The following OTOF variants were observed in gnomAD, a reference collection of about 807,000 sequenced individuals.
OTOF encodes fer-1-like family member 2.
Under a neutral mutation model 236.8 loss-of-function variants are expected in OTOF, and 218 were observed. That is an observed-to-expected ratio of 0.92 (90% CI 0.82 to 1.03). OTOF has a LOEUF of 1.03. Ranked by LOEUF, OTOF falls within the 50% of genes least tolerant of loss-of-function variation. The probability of loss-of-function intolerance (pLI) is 0.00; values close to 1 mark genes in which losing one functional copy is unlikely to be tolerated. For synonymous variants in OTOF, 1,041 were observed against 1,072.5 expected, an observed-to-expected ratio of 0.97 and a Z score of 0.57; for missense variants, 2,590 against 2,694.4, an observed-to-expected ratio of 0.96 and a Z score of 0.86.
In OTOF at chr2:26,503,836, C is replaced by T. The variant is rs751144866; in HGVS notation, c.519G>A (p.Arg173=). ...CGAGCTTCATGGCGGAGAACACGCTCCTCCCGGCTCTGTGAGGGGGGCCAC... is the reference window on the plus strand; with the variant it reads ...CGAGCTTCATGGCGGAGAACACGCTTCTCCCGGCTCTGTGAGGGGGGCCAC... ...PGEKSFRRAG[R]SVFSAMKLGK... Residue 173 remains arginine (R), a synonymous_variant, in exon 6 of 47, where the codon AGG becomes AGA. Transcript: ENST00000272371. The T allele has an allele frequency of 9.9e-6, 16 of 1,614,148 alleles. No individual in the cohort carries two copies. The East Asian group carries it at 3.3e-4, about 34-fold the overall frequency.
rs111033424 is a variant in OTOF at position 26,476,028 on chromosome 2, C to T, written c.2877G>A (p.Ala959=). 58 of 1,612,610 alleles carry T rather than the reference C, an allele frequency of 3.6e-5. No homozygotes were observed. Among genetic ancestry groups the T allele is most frequent in the African/African-American group, 1.2e-4 (9 of 74,938 alleles). The change falls in exon 24 of 47, where the codon GCG becomes GCA. Residue 959 remains alanine (A), a synonymous_variant. Transcript: ENST00000272371. ...PVSLVYTKKQ[A]FQLRAHMYQA... is the part of the protein sequence containing the mutation. Reference sequence around the variant, plus strand: ...GGTACATGTGCGCTCGGAGCTGGAACGCCTGCTTCTCTGTGGGGAAGGGCA... The same window carrying T: ...GGTACATGTGCGCTCGGAGCTGGAATGCCTGCTTCTCTGTGGGGAAGGGCA...
At position 26,519,059 on chromosome 2, in the gene OTOF, T is replaced by A. The variant is rs1458638479; in HGVS notation, c.278A>T (p.His93Leu). ...AATCAGCGTGTCAGTCACCTCCACA[T>A]GGCTCTCCTCTACCACCTTCTGCAG... Reference protein sequence around the residue: ...MVLQKVVEESHVEVTDTLIDD... With the variant: ...MVLQKVVEESLVEVTDTLIDD... Residue 93 changes from histidine to leucine, a missense_variant, in exon 4 of 47, where the codon CAT becomes CTT. By Grantham distance (99) the His-to-Leu change is moderately conservative (BLOSUM62 -3). Around this residue, in one of 2 missense-constraint regions of OTOF, gnomAD observed 1,379 missense variants for 1,341.6 expected, o/e 1.03. Coordinates refer to ENST00000272371, the MANE Select transcript of OTOF (RefSeq NM_194248.3). 2 of 1,610,220 alleles carry A rather than the reference T, an allele frequency of 1.2e-6. No homozygotes were observed. The highest frequency in any genetic ancestry group is 1.7e-6 in the Non-Finnish European group (2 of 1,177,870).
intron 41 of OTOF, 78 bp downstream of exon 41, chr2:26,463,405 C>G (rs867197841): frequency 1.4e-5 from 17 of 1,244,628 alleles, no homozygotes; most frequent in Non-Finnish European, 1.4e-5. Flanking sequence ...CTGAGCCCCC[C>G]GCAGGAAGGG....
chr2:26,469,269 A>C (rs558300034), intron 32 of OTOF, among the ~76,000 whole-genome samples: 19 of 152,336 alleles, frequency 1.2e-4, no homozygotes, highest in Middle Eastern at 3.4e-3. Flanking sequence ...CCAGGTTTCA[A>C]CTAAGTCGCC....
chr2:26,494,688 G>T (rs1028221656), intron 9 of OTOF, among the ~76,000 whole-genome samples: 2 of 152,050 alleles, frequency 1.3e-5, no homozygotes, highest in African/African-American at 4.8e-5. Context: ...CACTGCTGGG[G>T]TCTGCCCAGG....
At chr2:26,553,072 G>A (rs538581520) in intron 1 of OTOF, among the ~76,000 whole-genome samples, 1 of 152,268 alleles carries the variant, frequency 6.6e-6, no homozygotes, top group South Asian at 2.1e-4. Flanking sequence ...CATTTTACTG[G>A]GGAAAATAAA....
chr2:26,558,464 G>A (rs1266481311), intron 1 of OTOF, 29 bp downstream of exon 1: 1 of 1,592,586 alleles, frequency 6.3e-7, no homozygotes, highest in Non-Finnish European at 8.6e-7. Flanking sequence ...CTCAGAGCTG[G>A]CGTCCCTCTG....
At chr2:26,527,022 G>C (rs1027083562) in intron 3 of OTOF, among the ~76,000 whole-genome samples, 2 of 152,202 alleles carry the variant, frequency 1.3e-5, no homozygotes, top group African/African-American at 4.8e-5. Flanking sequence ...CTTAGCCACT[G>C]TTCCAGCGTG....
Position 26,480,319 on chromosome 2 carries a change from G to T in OTOF, c.1804-8C>A. The stretch of plus-strand genomic sequence containing the variant: ...CATTTTACCTGCACAGCTCTGTGGG[G>T]AGGCAGTTCAAAGCGTTCCTGAGCT... On this transcript the variant is annotated splice_region_variant and splice_polypyrimidine_tract_variant and intron_variant, in intron 15 of 46. Coordinates refer to ENST00000272371, the MANE Select transcript of OTOF (RefSeq NM_194248.3). The T allele has an allele frequency of 5.1e-6, 8 of 1,558,726 alleles. No homozygotes were observed. Among genetic ancestry groups the T allele is most frequent in the South Asian group, 2.2e-5 (2 of 90,026 alleles).
chr2:26,522,325 C>A (rs1666696972), intron 3 of OTOF, among the ~76,000 whole-genome samples: 1 of 146,442 alleles, frequency 6.8e-6, no homozygotes, highest in Non-Finnish European at 1.5e-5. Flanking sequence ...TGTAACATAC[C>A]ATTTAAGCAA....
chr2:26,460,176 A>G lies in OTOF; in HGVS notation c.5843T>C (p.Leu1948Pro), dbSNP rs772278204. The G allele has an allele frequency of 1.2e-6, 2 of 1,605,268 alleles. No homozygotes were observed. The highest frequency in any genetic ancestry group is 2.2e-5 in the East Asian group (1 of 44,694). Residue 1948 changes from leucine to proline, a missense_variant, in exon 46 of 47, where the codon CTG (leucine) becomes CCG (proline). Leu to Pro is a moderately conservative substitution (Grantham distance 98). Coordinates refer to ENST00000272371, the MANE Select transcript of OTOF (RefSeq NM_194248.3). The surrounding 1 kb of genome is among the most constrained non-coding windows in gnomAD (Gnocchi z 5.3). ...NRPDTSFIWFLNPLKSARYFL... is the reference protein window; with the variant it reads ...NRPDTSFIWFPNPLKSARYFL... ...GTAGCGAGCCGACTTGAGAGGGTTCAGGAACCAGATGAAGCTCGTGTCGGG... is the reference window on the plus strand; with the variant it reads ...GTAGCGAGCCGACTTGAGAGGGTTCGGGAACCAGATGAAGCTCGTGTCGGG...
intron 1 of OTOF, among the ~76,000 whole-genome samples, chr2:26,543,367 C>T (rs1186540894): frequency 2.0e-5 from 3 of 152,158 alleles, no homozygotes; most frequent in Non-Finnish European, 4.4e-5. Context: ...CATCTGTTAG[C>T]CGGGGGTCAT....
At chr2:26,500,508 C>T (rs759021809) in intron 8 of OTOF, among the ~76,000 whole-genome samples, 53 of 152,144 alleles carry the variant, frequency 3.5e-4, no homozygotes, top group Non-Finnish European at 6.8e-4. Flanking sequence ...GAAAAGCCCT[C>T]GGAAGTCTCA....
Position 26,503,825 on chromosome 2 carries a change from G to C in OTOF, c.530C>G (p.Ser177Cys). ...CCGGTTTTTGCCGAGCTTCATGGCG[G>C]AGAACACGCTCCTCCCGGCTCTGTG... Reference protein sequence around the residue: ...SFRRAGRSVFSAMKLGKNRSH... With the variant: ...SFRRAGRSVFCAMKLGKNRSH... Residue 177 changes from serine to cysteine, a missense_variant, in exon 6 of 47, where the codon TCC becomes TGC. This residue lies in a region of OTOF where 1,379 missense variants were observed against 1,341.6 expected (regional missense o/e 1.03). Coordinates refer to ENST00000272371, the MANE Select transcript of OTOF (RefSeq NM_194248.3). 4 of 1,614,188 alleles carry C rather than the reference G, an allele frequency of 2.5e-6. No individual in the cohort carries two copies. The highest frequency in any genetic ancestry group is 2.5e-6 in the Non-Finnish European group (3 of 1,180,002).
In OTOF at chr2:26,461,898, G is replaced by A. The variant is rs141082575; in HGVS notation, c.5331C>T (p.Asp1777=). Residue 1777 remains aspartate (D), a synonymous_variant, in exon 43 of 47, where the codon GAC becomes GAT. Transcript: ENST00000272371. The surrounding 1 kb of genome is among the most constrained non-coding windows in gnomAD (Gnocchi z 6.2). ...KGQQEDKQDT[D]VHYHSLTGEG... ...CGCCAGTGAGGGAGTGGTAGTGGACGTCTGTGTCCTGCTTGTCCTCCTGCT... is the reference window on the plus strand; with the variant it reads ...CGCCAGTGAGGGAGTGGTAGTGGACATCTGTGTCCTGCTTGTCCTCCTGCT... The A allele has an allele frequency of 1.3e-4, 207 of 1,614,014 alleles. No homozygotes were observed. Among genetic ancestry groups the A allele is most frequent in the Admixed American group, 9.5e-4 (57 of 60,010 alleles).
chr2:26,473,196 G>A lies in OTOF; in HGVS notation c.3669C>T (p.Val1223=). The change falls in exon 29 of 47, where the codon GTC becomes GTT. Residue 1223 remains valine (V), a synonymous_variant. Transcript: ENST00000272371. The surrounding 1 kb of genome is among the most constrained non-coding windows in gnomAD (Gnocchi z 7.2). ...GGTAGATGAAGCGTCGCAGGGAGCT[G>A]ACGGCATGGGAGCCCACCAGTGTGT... The part of the protein sequence containing the change: ...GRYTLVGSHA[V]SSLRRFIYRP... 1 of 1,613,188 alleles carries A rather than the reference G, an allele frequency of 6.2e-7. No individual in the cohort carries two copies. Among genetic ancestry groups the A allele is most frequent in the South Asian group, 1.1e-5 (1 of 91,090 alleles).
At chr2:26,525,040 G>A (rs1455309388) in intron 3 of OTOF, among the ~76,000 whole-genome samples, 1 of 152,112 alleles carries the variant, frequency 6.6e-6, no homozygotes, top group Non-Finnish European at 1.5e-5. Flanking sequence ...GTCCTCATAG[G>A]TCACACCCTC....
intron 8 of OTOF, among the ~76,000 whole-genome samples, chr2:26,496,708 C>A (rs1460297836): frequency 6.6e-6 from 1 of 151,998 alleles, no homozygotes; most frequent in Non-Finnish European, 1.5e-5. Flanking sequence ...TCAGGGTGGC[C>A]ATGTTAAGAT....
At chr2:26,496,457 C>G (rs1425315435) in intron 8 of OTOF, among the ~76,000 whole-genome samples, 3 of 151,888 alleles carry the variant, frequency 2.0e-5, no homozygotes, top group Non-Finnish European at 2.9e-5. Flanking sequence ...CCAGGCTGGT[C>G]TTGAACTCCT....
Sources: gnomAD v4.1 joint callset for allele counts (sites outside exome capture counted in the v4.1 genomes callset) on GRCh38, gnomAD v4.1.1 for gene constraint, gnomAD v4.1.1 regional missense constraint, Gnocchi (gnomAD v3.1) non-coding constraint, MANE v1.5 for transcripts, NCBI Gene and HGNC (gene_info 2026-07-23, HGNC 2026-07-21) for gene names.